The following PARD3 variants were observed in gnomAD, a reference collection of about 807,000 sequenced individuals.
PARD3 encodes the protein par-3 family cell polarity regulator.
A neutral mutation model predicts 155.4 loss-of-function variants in PARD3; 75 were observed. That is an observed-to-expected ratio of 0.48 (90% confidence interval 0.40 to 0.58). The LOEUF is 0.58. Ranked by LOEUF, PARD3 falls within the 20% of genes least tolerant of loss-of-function variation. PARD3 has a pLI of 0.00. For missense variants in PARD3, 1,642 were observed against 1,721.7 expected (o/e 0.95, Z 0.82); for synonymous variants, 576 against 610.5 (o/e 0.94, Z 0.83).
At chr10:34,470,888 T>C (rs2078305699) in intron 3 of PARD3, among the ~76,000 whole-genome samples, 1 of 152,112 alleles carries the variant, frequency 6.6e-6, no homozygotes, top group Non-Finnish European at 1.5e-5. Context: ...ATGTTTCCAA[T>C]ACAAAAAAAG....
chr10:34,757,582 A>C (rs1836905247), intron 1 of PARD3, among the ~76,000 whole-genome samples: 1 of 152,126 alleles, frequency 6.6e-6, no homozygotes. Flanking sequence ...ACGGTGGCTC[A>C]CGCCTATAAA....
intron 2 of PARD3, chr10:34,675,882 A>AT: frequency 5.1e-6 from 1 of 197,650 alleles, no homozygotes; most frequent in Admixed American, 4.6e-5. Flanking sequence ...TCACAGTTGG[A>AT]TACAGGCACA....
intron 5 of PARD3, among the ~76,000 whole-genome samples, chr10:34,439,519 G>A (rs948271384): frequency 6.6e-6 from 1 of 151,958 alleles, no homozygotes; most frequent in African/African-American, 2.4e-5. Context: ...GTGCAGTGGT[G>A]CAATCTTGGC....
chr10:34,410,865 A>G (rs1304089961), intron 5 of PARD3, among the ~76,000 whole-genome samples: 1 of 152,234 alleles, frequency 6.6e-6, no homozygotes, highest in Non-Finnish European at 1.5e-5. Flanking sequence ...AAGATTCATC[A>G]GCTCAGAGTC....
At chr10:34,602,490 C>G (rs1344911920) in intron 2 of PARD3, among the ~76,000 whole-genome samples, 2 of 152,112 alleles carry the variant, frequency 1.3e-5, no homozygotes, top group Non-Finnish European at 2.9e-5. Flanking sequence ...AGGTATGCCA[C>G]TGATAAGAAA....
In PARD3 at chr10:34,234,981, A is replaced by G. The variant is rs913610756; in HGVS notation, c.3419+34676T>C. Among the ~76,000 whole-genome samples, 3 of 152,342 alleles carry G rather than the reference A, an allele frequency of 2.0e-5. No homozygotes were observed. In the East Asian group the frequency reaches 5.8e-4, roughly 29 times the overall value. On this transcript the variant is annotated intron_variant, in intron 22 of 24. Transcript: ENST00000374788. Reference sequence around the variant, plus strand: ...TACTAGTCCATGGCGGATTCTTTAGAAATTGCTTTATTTACCAAGTTTTGT... The same window carrying G: ...TACTAGTCCATGGCGGATTCTTTAGGAATTGCTTTATTTACCAAGTTTTGT...
chr10:34,275,257 T>G (rs2133884733), intron 21 of PARD3, among the ~76,000 whole-genome samples: 1 of 152,318 alleles, frequency 6.6e-6, no homozygotes, highest in South Asian at 2.1e-4. Flanking sequence ...GTCCCCAAAG[T>G]TCTAAAACCT....
At chr10:34,368,175 G>A (rs935984837) in intron 12 of PARD3, among the ~76,000 whole-genome samples, 8 of 152,178 alleles carry the variant, frequency 5.3e-5, no homozygotes, top group Non-Finnish European at 8.8e-5. Context: ...CTTGAACCCA[G>A]GAGGCGGAGG....
intron 20 of PARD3, among the ~76,000 whole-genome samples, chr10:34,285,472 G>C (rs1285641084): frequency 6.6e-6 from 1 of 152,040 alleles, no homozygotes; most frequent in African/African-American, 2.4e-5. Context: ...AGCTACTCCA[G>C]AGGCTGAGGC....
At chr10:34,119,041 C>T (rs977054595) in intron 24 of PARD3, among the ~76,000 whole-genome samples, 1 of 152,124 alleles carries the variant, frequency 6.6e-6, no homozygotes, top group Non-Finnish European at 1.5e-5. Flanking sequence ...CCCTGGGGAG[C>T]AGGCAAGTAA....
At chr10:34,419,334 T>C (rs943032860) in intron 5 of PARD3, among the ~76,000 whole-genome samples, 2 of 151,980 alleles carry the variant, frequency 1.3e-5, no homozygotes, top group African/African-American at 2.4e-5. Flanking sequence ...CTGACCAATA[T>C]GGTGAAACCC....
At chr10:34,768,132 C>T (rs560237818) in intron 1 of PARD3, among the ~76,000 whole-genome samples, 5 of 152,218 alleles carry the variant, frequency 3.3e-5, no homozygotes, top group Admixed American at 3.3e-4. Context: ...GTTCTCCATA[C>T]ATGAGCCTGT....
At chr10:34,488,517 C>G (rs931959829) in intron 3 of PARD3, 1 of 151,656 alleles carries the variant, frequency 6.6e-6, no homozygotes, top group Admixed American at 6.5e-5. Context: ...TTTTTGCCCC[C>G]GACATCTAAA....
chr10:34,660,862 A>G (rs903742756), intron 2 of PARD3, among the ~76,000 whole-genome samples: 1 of 152,168 alleles, frequency 6.6e-6, no homozygotes, highest in African/African-American at 2.4e-5. Context: ...ATTTTAAAAC[A>G]TCACACAGAA....
At chr10:34,189,307 G>T (rs369365705) in intron 22 of PARD3, among the ~76,000 whole-genome samples, 1 of 152,176 alleles carries the variant, frequency 6.6e-6, no homozygotes, top group African/African-American at 2.4e-5. Context: ...TGCAGCCTGG[G>T]TAACAGAGCA....
At chr10:34,568,285 T>C (rs2086120325) in intron 2 of PARD3, among the ~76,000 whole-genome samples, 1 of 152,226 alleles carries the variant, frequency 6.6e-6, no homozygotes, top group African/African-American at 2.4e-5. Flanking sequence ...TTTGCCACCA[T>C]AATGATCACA....
chr10:34,805,090 G>A (rs1290068020), intron 1 of PARD3, among the ~76,000 whole-genome samples: 1 of 152,222 alleles, frequency 6.6e-6, no homozygotes, highest in Non-Finnish European at 1.5e-5. Context: ...GGGCGCGGTG[G>A]CTCACGCCTG....
intron 1 of PARD3, among the ~76,000 whole-genome samples, chr10:34,770,235 T>A (rs1032075081): frequency 2.6e-5 from 4 of 152,304 alleles, no homozygotes; most frequent in African/African-American, 9.6e-5. Flanking sequence ...GTCAATGCCA[T>A]CTCCTCCCAA....
In PARD3 at chr10:34,512,700, C is replaced by T. The variant is rs115298020; in HGVS notation, c.403+4279G>A. 6.3e-3 allele frequency among the ~76,000 whole-genome samples: 963 copies of T among 152,220 alleles called. 9 individuals are homozygous for T. The highest frequency in any genetic ancestry group is 0.022 in the African/African-American group (917 of 41,538). ...TCCCTCCACGTTCCTTTTTTAAAAA[C>T]TAAAACATATCAGGAATTAACTATG... On this transcript the variant is annotated intron_variant, in intron 3 of 24. Transcript: ENST00000374788.
Sources: allele counts gnomAD v4.1 joint callset (sites outside exome capture counted in the v4.1 genomes callset), GRCh38; gene constraint gnomAD v4.1.1; transcripts MANE v1.5; gene names NCBI Gene and HGNC (gene_info 2026-07-23, HGNC 2026-07-21).